The following SRRM2 variants were observed in gnomAD, a reference collection of about 807,000 sequenced individuals.
The protein encoded by SRRM2 is serine/arginine repetitive matrix 2.
SRRM2 carries 30 observed loss-of-function variants against 213.8 expected under a neutral mutation model. The observed-to-expected ratio is 0.14, with a 90% CI of 0.10 to 0.19. The LOEUF (loss-of-function observed/expected upper bound fraction) is 0.19, where lower values mean the gene tolerates loss of function less well. Ranked by LOEUF, SRRM2 falls within the 10% of genes least tolerant of loss-of-function variation. The pLI, the probability that SRRM2 is intolerant of heterozygous loss-of-function variation, is 1.00. For synonymous variants in SRRM2, 2,025 were observed against 1,377.7 expected (o/e 1.47, Z -10.40); for missense variants, 4,904 against 3,647.0 (o/e 1.34, Z -8.88).
chr16:2,761,364 A>G (rs983403250), intron 10 of SRRM2, among the ~76,000 whole-genome samples, 197 bp from the exon 11 acceptor site: 1 of 152,186 alleles, frequency 6.6e-6, no homozygotes, highest in African/African-American at 2.4e-5. Context: ...TAGTTTTAAG[A>G]TTCTGGCTAT....
chr16:2,757,505 G>T lies in SRRM2; in HGVS notation c.276G>T (p.Ala92=), dbSNP rs778380572. ...AACAGCAAATTCAGGAAAAAGTGGC[G>T]ACCTTTCGACTCATGTTGCTGGAGA... is the stretch of plus-strand genomic sequence containing the variant. ...YEEQQIQEKV[A]TFRLMLLEKD... is the part of the protein sequence containing the mutation. The change falls in exon 3 of 15, where the codon GCG becomes GCT. Residue 92 remains alanine, a synonymous_variant. Coordinates refer to ENST00000301740, the MANE Select transcript of SRRM2 (RefSeq NM_016333.4). 2 of 1,613,914 alleles carry T rather than the reference G, an allele frequency of 1.2e-6. No homozygotes were observed. The highest frequency in any genetic ancestry group is 1.7e-6 in the Non-Finnish European group (2 of 1,179,988).
chr16:2,760,280 G>A (rs767677390), intron 9 of SRRM2, 21 bp from the exon 10 acceptor site: 22 of 1,608,094 alleles, frequency 1.4e-5, no homozygotes, highest in South Asian at 1.1e-4. Flanking sequence ...CCTCTCCCAC[G>A]TCCTCAATTA....
rs779446788 is a variant in SRRM2, at chr16:2,771,388, C to T, written c.*521C>T. 6.2e-7 allele frequency: 1 copy of T among 1,608,638 alleles called. No homozygotes were observed. Among genetic ancestry groups the T allele is most frequent in the Admixed American group, 1.7e-5 (1 of 59,902 alleles). On this transcript the variant is annotated 3_prime_UTR_variant, in exon 15 of 15. Transcript: ENST00000301740. ...GTACAGCAAGAGCAACTTTTTCTGT[C>T]AAATAAAAATGAGAAATGCAGGAAC...
chr16:2,757,525 T>A lies in SRRM2; in HGVS notation c.296T>A (p.Leu99Gln). Residue 99 changes from leucine (L) to glutamine (Q), a missense_variant, in exon 3 of 15, where the codon CTG becomes CAG. Leu to Gln is a moderately radical substitution (Grantham distance 113). Transcript: ENST00000301740. ...GTGGCGACCTTTCGACTCATGTTGCTGGAGAAGGATGTGAACCCTGGGGGC... is the reference window on the plus strand; with the variant it reads ...GTGGCGACCTTTCGACTCATGTTGCAGGAGAAGGATGTGAACCCTGGGGGC... ...EKVATFRLMLLEKDVNPGGKE... is the reference protein window; with the variant it reads ...EKVATFRLMLQEKDVNPGGKE... 3 of 1,614,066 alleles carry A rather than the reference T, an allele frequency of 1.9e-6. No homozygotes were observed. The highest frequency in any genetic ancestry group is 2.5e-6 in the Non-Finnish European group (3 of 1,179,984).
chr16:2,768,181 G>C lies in SRRM2; in HGVS notation c.7653G>C (p.Ser2551=), dbSNP rs149616150. 692 of 1,598,720 alleles carry C rather than the reference G, an allele frequency of 4.3e-4. 1 individual carries two copies. The highest frequency in any genetic ancestry group is 2.0e-3 in the Middle Eastern group (12 of 6,004). The change falls in exon 11 of 15, where the codon TCG becomes TCC. Residue 2551 remains serine, a synonymous_variant. Transcript: ENST00000301740. ...CCTCTTCTTCATCATCGTCGTCGTC[G>C]TCCTCCTCCTCCTCTGGCTCCAGTT... ...SSSSSSSSSS[S]SSSSSGSSSS...
At chr16:2,754,677 A>G (rs1029703697) in intron 1 of SRRM2, among the ~76,000 whole-genome samples, 4 of 152,212 alleles carry the variant, frequency 2.6e-5, no homozygotes, top group African/African-American at 4.8e-5. Context: ...AATTAAGTGC[A>G]GGTCAAAAAC....
At position 2,767,138 on chromosome 16, in the gene SRRM2, C is replaced by T; in HGVS notation, c.6610C>T (p.Leu2204Phe). ...RPPPSMSAAG[L>F]AARMSQVPAP... ...TCCTCCGTCCATGTCTGCTGCTGGCCTTGCTGCAAGAATGTCCCAGGTTCC... is the reference window on the plus strand; with the variant it reads ...TCCTCCGTCCATGTCTGCTGCTGGCTTTGCTGCAAGAATGTCCCAGGTTCC... The change falls in exon 11 of 15, where the codon CTT (leucine) becomes TTT (phenylalanine). Residue 2204 changes from leucine (L) to phenylalanine (F), a missense_variant. Coordinates refer to ENST00000301740, the MANE Select transcript of SRRM2 (RefSeq NM_016333.4). The T allele has an allele frequency of 1.2e-6, 2 of 1,614,214 alleles. No individual in the cohort carries two copies. Among genetic ancestry groups the T allele is most frequent in the South Asian group, 1.1e-5 (1 of 91,084 alleles).
rs149248282 is a variant in SRRM2, at chr16:2,763,255, A to G, written c.2727A>G (p.Pro909=). Residue 909 remains proline (P), a synonymous_variant, in exon 11 of 15, where the codon CCA becomes CCG. Transcript: ENST00000301740. The stretch of plus-strand genomic sequence containing the variant: ...CTAGCACACCTCCCAGACAGAGCCC[A>G]TCTAGGTCATCATCTCCACAACCCA... ...VKSSTPPRQS[P]SRSSSPQPKV... 6.3e-5 allele frequency: 101 copies of G among 1,613,934 alleles called. No homozygotes were observed. The highest frequency in any genetic ancestry group is 8.0e-5 in the Non-Finnish European group (94 of 1,180,012).
chr16:2,766,338 C>G lies in SRRM2; in HGVS notation c.5810C>G (p.Ser1937Cys). The G allele has an allele frequency of 6.2e-7, 1 of 1,614,192 alleles. No individual in the cohort carries two copies. Among genetic ancestry groups the G allele is most frequent in the South Asian group, 1.1e-5 (1 of 91,076 alleles). Residue 1937 changes from serine to cysteine, a missense_variant, in exon 11 of 15, where the codon TCT becomes TGT. By Grantham distance (112) the Ser-to-Cys change is moderately radical. Coordinates refer to ENST00000301740, the MANE Select transcript of SRRM2 (RefSeq NM_016333.4). The surrounding 1 kb of genome is among the most constrained non-coding windows in gnomAD (Gnocchi z 7.0). The stretch of plus-strand genomic sequence containing the variant: ...CCAGTAACCCGCCGTCGTTCAAGGT[C>G]TAGAACGCCAACAACACGCCGCCGC... ...TPPVTRRRSR[S>C]RTPTTRRRSR...
rs561855791 is a variant in SRRM2 at position 2,767,900 on chromosome 16, C to T, written c.7372C>T (p.Gln2458Ter). Reference protein sequence around the residue: ...RSPVPSAFSDQSRCLIAQTTP... With the variant: ...RSPVPSAFSD ...TCCTGTGCCTTCTGCTTTTTCAGACCAATCCCGTTGTTTGATTGCCCAGAC... is the reference window on the plus strand; with the variant it reads ...TCCTGTGCCTTCTGCTTTTTCAGACTAATCCCGTTGTTTGATTGCCCAGAC... Residue 2458 changes from glutamine to a stop codon, truncating the protein, a stop_gained, in exon 11 of 15, where the codon CAA (glutamine) becomes TAA (stop). Coordinates refer to ENST00000301740, the MANE Select transcript of SRRM2 (RefSeq NM_016333.4). LOFTEE classifies it high-confidence loss of function. The T allele has an allele frequency of 6.2e-7, 1 of 1,614,024 alleles. No homozygotes were observed. The highest frequency in any genetic ancestry group is 1.3e-5 in the African/African-American group (1 of 74,890).
chr16:2,768,324 G>A, intron 11 of SRRM2, 63 bp downstream of exon 11: 2 of 1,492,786 alleles, frequency 1.3e-6, no homozygotes, highest in Non-Finnish European at 1.8e-6. Flanking sequence ...GTTGGGGAGT[G>A]GGGAGGGAGA....
chr16:2,763,860 G>C lies in SRRM2; in HGVS notation c.3332G>C (p.Arg1111Thr), dbSNP rs750501928. The C allele has an allele frequency of 6.2e-7, 1 of 1,614,218 alleles. No homozygotes were observed. Among genetic ancestry groups the C allele is most frequent in the South Asian group, 1.1e-5 (1 of 91,088 alleles). The change falls in exon 11 of 15, where the codon AGA (arginine) becomes ACA (threonine). Residue 1111 changes from arginine (R) to threonine (T), a missense_variant. Physicochemically the swap from Arg to Thr is moderately conservative, Grantham distance 71 (BLOSUM62 -1). Transcript: ENST00000301740. ...TCTCCAGTCACTGAGCTGGCATCCA[G>C]ATCTCCAATAAGACAAGATAGAGGT... Reference protein sequence around the residue: ...SSSPVTELASRSPIRQDRGEF... With the variant: ...SSSPVTELASTSPIRQDRGEF...
rs1244908528 is a variant in SRRM2 at position 2,770,407 on chromosome 16, T to C, written c.8077T>C (p.Tyr2693His). Residue 2693 changes from tyrosine (Y) to histidine (H), a missense_variant, in exon 13 of 15, where the codon TAC (tyrosine) becomes CAC (histidine). Transcript: ENST00000301740. ...DSLRDSRSLS[Y>H]SPVERRRPSP... is the part of the protein sequence containing the mutation. ...CCTCAGGGACTCTCGGTCCCTCAGC[T>C]ACTCGCCTGTGGAGCGTCGCCGTCC... The C allele has an allele frequency of 6.2e-7, 1 of 1,610,936 alleles. No individual in the cohort carries two copies. The highest frequency in any genetic ancestry group is 8.5e-7 in the Non-Finnish European group (1 of 1,178,730).
intron 1 of SRRM2, among the ~76,000 whole-genome samples, chr16:2,754,222 AGGT>A (rs2068058095): frequency 6.6e-6 from 1 of 151,546 alleles, no homozygotes; most frequent in South Asian, 2.1e-4. Context: ...GGGGTGGACT[AGGT>A]GGCTCATTCC....
At chr16:2,769,973 C>T (rs1023612845) in intron 12 of SRRM2, 15 of 465,676 alleles carry the variant, frequency 3.2e-5, no homozygotes, top group African/African-American at 2.9e-4. Context: ...CAAGACTCCG[C>T]TCAAAACAGC....
rs766269643 is a variant in SRRM2, at chr16:2,764,743, T to C, written c.4215T>C (p.Pro1405=). ...GMSSNQSISS[P]VLDAVPRTPS... is the part of the protein sequence containing the mutation. ...CTTCAAATCAGAGCATCTCTTCACC[T>C]GTGCTTGATGCTGTACCCAGAACAC... Residue 1405 remains proline, a synonymous_variant, in exon 11 of 15, where the codon CCT becomes CCC. Transcript: ENST00000301740. 4 of 1,614,078 alleles carry C rather than the reference T, an allele frequency of 2.5e-6. No individual in the cohort carries two copies. Among genetic ancestry groups the C allele is most frequent in the African/African-American group, 1.3e-5 (1 of 74,936 alleles).
At chr16:2,753,161 C>T (rs1403375407) in intron 1 of SRRM2, among the ~76,000 whole-genome samples, 1 of 151,638 alleles carries the variant, frequency 6.6e-6, no homozygotes, top group South Asian at 2.1e-4. Context: ...CATGTGCCGC[C>T]GAGGTGGCCT....
At chr16:2,759,250 C>T (rs2068254611) in intron 7 of SRRM2, 78 bp downstream of exon 7, 3 of 1,599,800 alleles carry the variant, frequency 1.9e-6, no homozygotes, top group Admixed American at 1.7e-5. Context: ...AAGCTCAATT[C>T]CTTGATCTTC....
rs772073134 is a variant in SRRM2 at position 2,757,765 on chromosome 16, C to A, written c.351-16C>A. On this transcript the variant is annotated splice_polypyrimidine_tract_variant and intron_variant, in intron 3 of 14. Coordinates refer to ENST00000301740, the MANE Select transcript of SRRM2 (RefSeq NM_016333.4). ...CCTTTATATTTCCTTCAGACTTTTG[C>A]CCTTCTTTTCTCTAGGGTCACGGAG... 1 of 1,611,784 alleles carries A rather than the reference C, an allele frequency of 6.2e-7. No individual in the cohort carries two copies. Among genetic ancestry groups the A allele is most frequent in the Non-Finnish European group, 8.5e-7 (1 of 1,178,694 alleles).
Sources: allele counts gnomAD v4.1 joint callset (sites outside exome capture counted in the v4.1 genomes callset), GRCh38; gene constraint gnomAD v4.1.1; non-coding constraint Gnocchi (gnomAD v3.1); transcripts MANE v1.5; gene names NCBI Gene and HGNC (gene_info 2026-07-23, HGNC 2026-07-21).